DTNBP1: variants seen among roughly 807,000 people sequenced by gnomAD.
DTNBP1 encodes dystrobrevin binding protein 1, also known as dysbindin.
DTNBP1 carries 35 observed loss-of-function variants against 42.8 expected under a neutral mutation model. The observed-to-expected ratio is 0.82, with a 90% CI of 0.63 to 1.09. DTNBP1 has a LOEUF of 1.09. DTNBP1 is among the 50% of genes least tolerant of loss of function. The pLI, the probability that DTNBP1 is intolerant of heterozygous loss-of-function variation, is 0.00. For synonymous variants in DTNBP1, 171 were observed against 162.2 expected (o/e 1.05, Z -0.41); for missense variants, 457 against 424.2 (o/e 1.08, Z -0.68).
chr6:15,523,220 CT>C lies in DTNBP1; in HGVS notation c.812-2del. The C allele has an allele frequency of 6.2e-7, 1 of 1,614,114 alleles. No individual in the cohort carries two copies. The highest frequency in any genetic ancestry group is 8.5e-7 in the Non-Finnish European group (1 of 1,180,026). ...TTCTGACAGGTACTGGATTCAGGCC[CT>C]GCAAAATAACGTAGGGAAGAAAAAG... On this transcript the variant is annotated splice_acceptor_variant, in intron 9 of 9. Coordinates refer to ENST00000344537, the MANE Select transcript of DTNBP1 (RefSeq NM_032122.5). LOFTEE classifies it high-confidence loss of function.
At chr6:15,529,182 G>A (rs1348868322) in intron 8 of DTNBP1, among the ~76,000 whole-genome samples, 1 of 152,160 alleles carries the variant, frequency 6.6e-6, no homozygotes, top group Non-Finnish European at 1.5e-5. Context: ...CTACTCGGGA[G>A]TCTGAGGTGG....
chr6:15,554,693 G>A (rs996956203), intron 7 of DTNBP1, among the ~76,000 whole-genome samples: 2 of 152,136 alleles, frequency 1.3e-5, no homozygotes, highest in Non-Finnish European at 2.9e-5. Context: ...GAATATTTAT[G>A]AAAGGAGAAA....
At chr6:15,589,519 G>C (rs910726345) in intron 7 of DTNBP1, among the ~76,000 whole-genome samples, 1 of 152,218 alleles carries the variant, frequency 6.6e-6, no homozygotes, top group African/African-American at 2.4e-5. Context: ...TACCATGCCT[G>C]CTGGCCCATC....
chr6:15,658,767 C>T (rs1387753965), intron 1 of DTNBP1, among the ~76,000 whole-genome samples: 3 of 152,220 alleles, frequency 2.0e-5, no homozygotes, highest in African/African-American at 7.2e-5. Context: ...TCAAGCCAAT[C>T]TCTGTAAAAA....
chr6:15,642,386 C>T (rs1193652555), intron 3 of DTNBP1, among the ~76,000 whole-genome samples: 1 of 152,232 alleles, frequency 6.6e-6, no homozygotes, highest in East Asian at 1.9e-4. Context: ...CACCCACCTT[C>T]TCCCCCAAGA....
At chr6:15,531,884 G>A (rs1257800021) in intron 8 of DTNBP1, among the ~76,000 whole-genome samples, 1 of 152,164 alleles carries the variant, frequency 6.6e-6, no homozygotes, top group African/African-American at 2.4e-5. Flanking sequence ...CACCCACTTC[G>A]GCCTCCCAAA....
At chr6:15,533,705 A>G in intron 7 of DTNBP1, 1 of 527,638 alleles carries the variant, frequency 1.9e-6, no homozygotes, top group South Asian at 1.5e-5. Flanking sequence ...ACCTTCCAAG[A>G]CCAGCTTCTC....
Position 15,626,836 on chromosome 6 carries a change from C to CA in DTNBP1, c.355+506dup, listed in dbSNP as rs1181053595. Among the ~76,000 whole-genome samples, 5 of 152,274 alleles carry CA rather than the reference C, an allele frequency of 3.3e-5. No individual in the cohort carries two copies. The East Asian group carries it at 9.7e-4, about 29-fold the overall frequency. ...CTGGGCTCAAGCACTCCTCCTGCCT[C>CA]AGTCTCCAGAATAGCTGCAACTGCA... On this transcript the variant is annotated intron_variant, in intron 5 of 9. Coordinates refer to ENST00000344537, the MANE Select transcript of DTNBP1 (RefSeq NM_032122.5).
intron 1 of DTNBP1, chr6:15,660,573 T>C: frequency 1.6e-6 from 2 of 1,286,352 alleles, no homozygotes; most frequent in Non-Finnish European, 2.0e-6. Context: ...TCAGGATGTC[T>C]AGCTCCAAAA....
At chr6:15,525,652 C>G (rs1378757153) in intron 8 of DTNBP1, among the ~76,000 whole-genome samples, 2 of 152,164 alleles carry the variant, frequency 1.3e-5, no homozygotes, top group African/African-American at 2.4e-5. Flanking sequence ...AGACTGAAAT[C>G]TCAAACTCGG....
At position 15,524,395 on chromosome 6, in the gene DTNBP1, G is replaced by A. The variant is rs561701326; in HGVS notation, c.811+131C>T. 17 of 1,614,128 alleles carry A rather than the reference G, an allele frequency of 1.1e-5. No individual in the cohort carries two copies. In the South Asian group the frequency reaches 1.5e-4, roughly 15 times the overall value. On this transcript the variant is annotated intron_variant, in intron 9 of 9. Transcript: ENST00000344537. ...AGCCGTGTGGAACCGTGGGGTTAGGGAGCCAGGAGCTGGCTGTGAGCTTGG... is the reference window on the plus strand; with the variant it reads ...AGCCGTGTGGAACCGTGGGGTTAGGAAGCCAGGAGCTGGCTGTGAGCTTGG...
intron 3 of DTNBP1, among the ~76,000 whole-genome samples, chr6:15,639,125 C>T (rs1463379700): frequency 6.6e-6 from 1 of 151,870 alleles, no homozygotes; most frequent in Non-Finnish European, 1.5e-5. Context: ...GATCCTAGTA[C>T]AGAAAAAAGG....
chr6:15,660,542 A>G, intron 1 of DTNBP1: 12 of 1,289,642 alleles, frequency 9.3e-6, no homozygotes, highest in South Asian at 1.2e-5. Context: ...GAAAGCCAAC[A>G]AAAGACCTAA....
intron 5 of DTNBP1, among the ~76,000 whole-genome samples, chr6:15,626,548 C>T (rs1390612329): frequency 6.6e-6 from 1 of 152,178 alleles, no homozygotes; most frequent in Non-Finnish European, 1.5e-5. Flanking sequence ...CTACCTCCTA[C>T]TTTACTAAGA....
intron 1 of DTNBP1, among the ~76,000 whole-genome samples, chr6:15,662,523 G>A (rs899300002): frequency 1.3e-5 from 2 of 152,222 alleles, no homozygotes; most frequent in African/African-American, 2.4e-5. Flanking sequence ...TGATGCTGCC[G>A]GGAAAGGACC....
In DTNBP1 at chr6:15,555,221, G is replaced by T. The variant is rs78102495; in HGVS notation, c.512-21826C>A. On this transcript the variant is annotated intron_variant, in intron 7 of 9. Transcript: ENST00000344537. ...AGATAAAACACTTTCCTCTTTGCTG[G>T]AATCTCTTAATGTTGATGGTCAAAA... 6.9e-3 allele frequency among the ~76,000 whole-genome samples: 1,038 copies of T among 150,606 alleles called. 14 individuals are homozygous for T. The highest frequency in any genetic ancestry group is 0.024 in the African/African-American group (986 of 40,808).
At chr6:15,608,931 T>C (rs1758232485) in intron 6 of DTNBP1, among the ~76,000 whole-genome samples, 1 of 152,206 alleles carries the variant, frequency 6.6e-6, no homozygotes, top group Admixed American at 6.5e-5. Flanking sequence ...GGGCACTTCA[T>C]GGGCTCTTTT....
At chr6:15,623,973 A>G (rs537530452) in intron 5 of DTNBP1, among the ~76,000 whole-genome samples, 1 of 152,230 alleles carries the variant, frequency 6.6e-6, no homozygotes, top group South Asian at 2.1e-4. Flanking sequence ...CGTGTCACAG[A>G]ATAATGGTTT....
rs79586872 is a variant in DTNBP1 at position 15,581,139 on chromosome 6, G to A, written c.511+11920C>T. Among the ~76,000 whole-genome samples the A allele has an allele frequency of 3.3e-5, 5 of 152,248 alleles. No individual in the cohort carries two copies. In the East Asian group the frequency reaches 9.6e-4, roughly 29 times the overall value. On this transcript the variant is annotated intron_variant, in intron 7 of 9. Transcript: ENST00000344537. Reference sequence around the variant, plus strand: ...CTTCAAAGTTTTTCTAAGATACAATGGCTAGAAAGAAGTAGAAAAGGGGAG... The same window carrying A: ...CTTCAAAGTTTTTCTAAGATACAATAGCTAGAAAGAAGTAGAAAAGGGGAG...
Sources: gnomAD v4.1 joint callset for allele counts (sites outside exome capture counted in the v4.1 genomes callset) on GRCh38, gnomAD v4.1.1 for gene constraint, MANE v1.5 for transcripts, NCBI Gene and HGNC (gene_info 2026-07-23, HGNC 2026-07-21) for gene names.